Variants in ZNF605 observed in about 807,000 individuals in gnomAD.
The protein encoded by ZNF605 is zinc finger protein 605.
In ZNF605, 9 loss-of-function variants were observed where a neutral mutation model predicts 7.9. That is an observed-to-expected ratio of 1.14 (90% CI 0.68 to 1.98). The LOEUF is 1.98. Ranked by LOEUF, ZNF605 falls within the 30% of genes most tolerant of loss-of-function variation. The pLI is 0.00. For missense variants in ZNF605, 673 were observed against 762.4 expected (o/e 0.88, Z 1.38); for synonymous variants, 255 against 260.1 (o/e 0.98, Z 0.19).
chr12:132,928,465 G>A (rs1320094226), intron 4 of ZNF605, among the ~76,000 whole-genome samples: 6 of 152,048 alleles, frequency 3.9e-5, no homozygotes, highest in Admixed American at 3.9e-4. Flanking sequence ...AATTGGATCT[G>A]TAAAGTATAT....
chr12:132,954,872 C>A (rs1952619048), intron 1 of ZNF605, among the ~76,000 whole-genome samples: 1 of 152,104 alleles, frequency 6.6e-6, no homozygotes, highest in African/African-American at 2.4e-5. Context: ...AACTTACATC[C>A]AGACTCCCTT....
Position 132,927,175 on chromosome 12 carries a change from A to T in ZNF605, c.137-13T>A. ...TCTAGCCAGACTTCTAAAAAGAGAA[A>T]AAAATGAACCATACTGTGTAATTCC... On this transcript the variant is annotated splice_polypyrimidine_tract_variant and intron_variant, in intron 4 of 4. Transcript: ENST00000360187. The T allele has an allele frequency of 6.6e-7, 1 of 1,523,312 alleles. No homozygotes were observed. Among genetic ancestry groups the T allele is most frequent in the South Asian group, 1.3e-5 (1 of 79,912 alleles). 94.4% of individuals were successfully genotyped at this position (1,523,312 alleles called of 1,614,324 possible). A position where few individuals can be genotyped will look rare whatever the true frequency, so the allele number is the denominator to read the frequency against.
rs1952441059 is a variant in ZNF605, at chr12:132,941,533, A to G, written c.15+4088T>C. Among the ~76,000 whole-genome samples the G allele has an allele frequency of 6.6e-6, 1 of 152,074 alleles. No individual in the cohort carries two copies. Among genetic ancestry groups the G allele is most frequent in the South Asian group, 2.1e-4 (1 of 4,824 alleles). ...GCTTCTGAGAACAGCCCCAGTCCAA[A>G]CTACACATCAATAGGCCCAATCATG... On this transcript the variant is annotated intron_variant, in intron 3 of 4. Coordinates refer to ENST00000360187, the MANE Select transcript of ZNF605 (RefSeq NM_183238.4). This position sits in a 1 kb window ranked among gnomAD's most constrained non-coding sequence, Gnocchi z 5.1.
rs1952231118 is a variant in ZNF605 at position 132,924,781 on chromosome 12, C to G, written c.*592G>C. ...TTTAAGGCAGGAGAGGAAATCTGACCCTTGTTATTCCATCACAGCAGTAAG... is the reference window on the plus strand; with the variant it reads ...TTTAAGGCAGGAGAGGAAATCTGACGCTTGTTATTCCATCACAGCAGTAAG... On this transcript the variant is annotated 3_prime_UTR_variant, in exon 5 of 5. Coordinates refer to ENST00000360187, the MANE Select transcript of ZNF605 (RefSeq NM_183238.4). 1 of 152,198 alleles carries G rather than the reference C, an allele frequency of 6.6e-6. No individual in the cohort carries two copies. Among genetic ancestry groups the G allele is most frequent in the Non-Finnish European group, 1.5e-5 (1 of 68,098 alleles). The allele number at this position is 152,198 out of a possible 1,614,324, so 9.4% of individuals were successfully genotyped here.
intron 1 of ZNF605, among the ~76,000 whole-genome samples, chr12:132,954,256 C>G (rs1336958040): frequency 1.4e-5 from 2 of 147,712 alleles, no homozygotes; most frequent in Admixed American, 1.4e-4. Flanking sequence ...CAAAGCCCCA[C>G]TTAAGAATCA....
At chr12:132,944,278 T>C (rs1952476139) in intron 3 of ZNF605, among the ~76,000 whole-genome samples, 1 of 151,824 alleles carries the variant, frequency 6.6e-6, no homozygotes, top group Admixed American at 6.6e-5. Flanking sequence ...AGTGCAGTGG[T>C]GCCACTCCTG....
intron 4 of ZNF605, among the ~76,000 whole-genome samples, chr12:132,927,854 A>G (rs1952264163): frequency 6.6e-6 from 1 of 151,126 alleles, no homozygotes; most frequent in African/African-American, 2.4e-5. Flanking sequence ...ATGGGGTTTC[A>G]CCACGTTAGC....
Position 132,926,439 on chromosome 12 carries a change from C to A in ZNF605, c.860G>T (p.Gly287Val), listed in dbSNP as rs1333793010. 6.2e-7 allele frequency: 1 copy of A among 1,613,892 alleles called. No individual in the cohort carries two copies. The highest frequency in any genetic ancestry group is 1.3e-5 in the African/African-American group (1 of 74,868). The change falls in exon 5 of 5, where the codon GGG (glycine) becomes GTG (valine). Residue 287 changes from glycine (G) to valine (V), a missense_variant. Gly to Val is a moderately radical substitution (Grantham distance 109). Transcript: ENST00000360187. ...TTTTAATTTCTGGGAGAATGCTTTCCCACACTCACTGCAACTGTAGGGTTT... is the reference window on the plus strand; with the variant it reads ...TTTTAATTTCTGGGAGAATGCTTTCACACACTCACTGCAACTGTAGGGTTT... ...IEKPYSCSEC[G>V]KAFSQKLKLI...
intron 3 of ZNF605, among the ~76,000 whole-genome samples, chr12:132,939,752 T>C (rs899268666): frequency 6.6e-6 from 1 of 152,166 alleles, no homozygotes; most frequent in South Asian, 2.1e-4. Context: ...GTTCTTTCGC[T>C]CTTTGCAATA....
At chr12:132,931,199 A>G (rs903185108) in intron 4 of ZNF605, among the ~76,000 whole-genome samples, 1 of 152,216 alleles carries the variant, frequency 6.6e-6, no homozygotes, top group South Asian at 2.1e-4. Context: ...TTTTAAATAA[A>G]TATTTCCCAG....
At chr12:132,945,159 T>C in intron 3 of ZNF605, 1 of 486,588 alleles carries the variant, frequency 2.1e-6, no homozygotes, top group Non-Finnish European at 3.7e-6. Context: ...AGACGGGGTT[T>C]TGCCATGTTG....
Position 132,926,185 on chromosome 12 carries a change from C to T in ZNF605, c.1114G>A (p.Glu372Lys), listed in dbSNP as rs1952245212. 1.2e-6 allele frequency: 2 copies of T among 1,613,934 alleles called. No individual in the cohort carries two copies. The highest frequency in any genetic ancestry group is 2.7e-5 in the African/African-American group (2 of 74,880). Residue 372 changes from glutamate (E) to lysine (K), a missense_variant, in exon 5 of 5, where the codon GAA becomes AAA. Glu to Lys is a moderately conservative substitution (Grantham distance 56). Coordinates refer to ENST00000360187, the MANE Select transcript of ZNF605 (RefSeq NM_183238.4). ...AGCTGTGGTTTTCTGATGAAGGCTTCACCACATTCGTTGCATTCGTAGGGC... is the reference window on the plus strand; with the variant it reads ...AGCTGTGGTTTTCTGATGAAGGCTTTACCACATTCGTTGCATTCGTAGGGC... ...EKPYECNECG[E>K]AFIRKPQLIK...
In ZNF605 at chr12:132,923,641, T is replaced by C. The variant is rs1952222229; in HGVS notation, c.*1732A>G. On this transcript the variant is annotated 3_prime_UTR_variant, in exon 5 of 5. Coordinates refer to ENST00000360187, the MANE Select transcript of ZNF605 (RefSeq NM_183238.4). ...TCTGTTTATCAGTGCTTTTCATGAA[T>C]GTGACTCTGAGGTGCACTGCTGTGA... 6.6e-6 allele frequency: 1 copy of C among 152,248 alleles called. No homozygotes were observed. Among genetic ancestry groups the C allele is most frequent in the African/African-American group, 2.4e-5 (1 of 41,474 alleles). The allele number at this position is 152,248 out of a possible 1,614,324, so 9.4% of individuals were successfully genotyped here. A position where few individuals can be genotyped will look rare whatever the true frequency, so the allele number is the denominator to read the frequency against.
Position 132,925,232 on chromosome 12 carries a change from T to C in ZNF605, c.*141A>G. 1.7e-6 allele frequency: 1 copy of C among 585,954 alleles called. No homozygotes were observed. The highest frequency in any genetic ancestry group is 2.8e-6 in the Non-Finnish European group (1 of 351,436). 36.3% of individuals were successfully genotyped at this position (585,954 alleles called of 1,614,324 possible). On this transcript the variant is annotated 3_prime_UTR_variant, in exon 5 of 5. Transcript: ENST00000360187. Reference sequence around the variant, plus strand: ...AAAAACTTCTCTTTCTAAATTCTGCTTAGTGACTCTTGACTCCTCAATTCA... The same window carrying C: ...AAAAACTTCTCTTTCTAAATTCTGCCTAGTGACTCTTGACTCCTCAATTCA...
At chr12:132,954,952 C>T (rs977626435) in intron 1 of ZNF605, among the ~76,000 whole-genome samples, 1 of 152,158 alleles carries the variant, frequency 6.6e-6, no homozygotes, top group African/African-American at 2.4e-5. Flanking sequence ...CAGAAACAAA[C>T]CCCAGCCACT....
Position 132,927,111 on chromosome 12 carries a change from A to G in ZNF605, c.188T>C (p.Leu63Pro). 1 of 1,587,176 alleles carries G rather than the reference A, an allele frequency of 6.3e-7. No individual in the cohort carries two copies. Among genetic ancestry groups the G allele is most frequent in the South Asian group, 1.1e-5 (1 of 87,682 alleles). The change falls in exon 5 of 5, where the codon CTT becomes CCT. Residue 63 changes from leucine to proline, a missense_variant. Coordinates refer to ENST00000360187, the MANE Select transcript of ZNF605 (RefSeq NM_183238.4). ...KMWLRDNQDN[L>P]KSMERGHKYD... Reference sequence around the variant, plus strand: ...TTTATGGCCTCTCTCCATACTTTTAAGGTTGTCTTGATTATCTCGGAGCCA... The same window carrying G: ...TTTATGGCCTCTCTCCATACTTTTAGGGTTGTCTTGATTATCTCGGAGCCA...
intron 1 of ZNF605, among the ~76,000 whole-genome samples, chr12:132,950,444 C>T (rs1258978617): frequency 2.0e-5 from 3 of 148,640 alleles, no homozygotes; most frequent in African/African-American, 7.8e-5. Context: ...TACGTGCAGA[C>T]GTGCACAGAC....
intron 4 of ZNF605, among the ~76,000 whole-genome samples, chr12:132,929,623 A>T (rs1157548080): frequency 6.6e-6 from 1 of 152,206 alleles, no homozygotes; most frequent in African/African-American, 2.4e-5. Flanking sequence ...ATACTTTTAA[A>T]TTAAAATCAA....
In ZNF605 at chr12:132,956,288, C is replaced by A. The variant is rs11147179; in HGVS notation, c.-331G>T. The A allele has an allele frequency of 0.41, 61,984 of 151,928 alleles. 15,189 individuals carry two copies. The highest frequency in any genetic ancestry group is 0.67 in the African/African-American group (27,733 of 41,462). The allele number at this position is 151,928 out of a possible 1,614,324, so 9.4% of individuals were successfully genotyped here. On this transcript the variant is annotated 5_prime_UTR_variant, in exon 1 of 5. Transcript: ENST00000360187. ...GCGGCGGACACGGCCCGATCGGGGA[C>A]GTGAACGCGCAGAACTACATTTCCC...
Sources: allele counts gnomAD v4.1 joint callset (sites outside exome capture counted in the v4.1 genomes callset), GRCh38; gene constraint gnomAD v4.1.1; non-coding constraint Gnocchi (gnomAD v3.1); transcripts MANE v1.5; gene names NCBI Gene and HGNC (gene_info 2026-07-23, HGNC 2026-07-21).